Variants in RAB10 observed in about 807,000 individuals in gnomAD.
RAB10 encodes the protein RAB10, member RAS oncogene family.
Under a neutral mutation model 25.7 loss-of-function variants are expected in RAB10, and 5 were observed. That is an observed-to-expected ratio of 0.19 (90% CI 0.10 to 0.41). RAB10 has a LOEUF of 0.41. Among genes scored for constraint, RAB10 ranks in the 10% least tolerant of loss-of-function variants. RAB10 has a pLI of 1.00. For missense variants in RAB10, 103 were observed against 245.8 expected, an observed-to-expected ratio of 0.42 and a Z score of 3.89; for synonymous variants, 89 against 86.4, an observed-to-expected ratio of 1.03 and a Z score of -0.16.
chr2:26,044,367 T>G (rs1665950963), intron 1 of RAB10, among the ~76,000 whole-genome samples: 1 of 152,188 alleles, frequency 6.6e-6, no homozygotes, highest in Non-Finnish European at 1.5e-5. Context: ...GTCTGTACTT[T>G]CAGTTGTTGA....
intron 1 of RAB10, among the ~76,000 whole-genome samples, chr2:26,042,520 C>T (rs1203868963): frequency 6.6e-6 from 1 of 151,978 alleles, no homozygotes; most frequent in Admixed American, 6.6e-5. Flanking sequence ...GTGGTGTACA[C>T]CTGTAGTCCC....
intron 1 of RAB10, among the ~76,000 whole-genome samples, chr2:26,064,674 TG>T (rs1018102442): frequency 6.6e-6 from 1 of 152,142 alleles, no homozygotes; most frequent in Admixed American, 6.5e-5. Context: ...TAAGTAAAAA[TG>T]AACAAATTAT....
chr2:26,057,016 C>G (rs1240618223), intron 1 of RAB10, among the ~76,000 whole-genome samples: 1 of 152,154 alleles, frequency 6.6e-6, no homozygotes, highest in Admixed American at 6.6e-5. Flanking sequence ...AGCATTAGCT[C>G]TATGCCACGT....
At position 26,055,918 on chromosome 2, in the gene RAB10, C is replaced by G. The variant is rs566904385; in HGVS notation, c.127+21183C>G. 1.1e-4 allele frequency among the ~76,000 whole-genome samples: 17 copies of G among 150,562 alleles called. No individual in the cohort carries two copies. The South Asian group carries it at 3.4e-3, about 30-fold the overall frequency. On this transcript the variant is annotated intron_variant, in intron 1 of 5. Coordinates refer to ENST00000264710, the MANE Select transcript of RAB10 (RefSeq NM_016131.5). ...ACTTTTTTTTCTTTTTTTTTTGAGA[C>G]AGGGTCTCACTCTGTCACCCAGGAT...
At chr2:26,079,502 C>G (rs1485223496) in intron 1 of RAB10, among the ~76,000 whole-genome samples, 1 of 152,098 alleles carries the variant, frequency 6.6e-6, no homozygotes, top group Admixed American at 6.5e-5. Context: ...AGTATGAACT[C>G]ATGGTTCAAT....
intron 1 of RAB10, among the ~76,000 whole-genome samples, chr2:26,069,026 T>C (rs770607604): frequency 1.3e-5 from 2 of 152,232 alleles, no homozygotes; most frequent in Non-Finnish European, 1.5e-5. Flanking sequence ...AGCTTTTCTG[T>C]AATCTCTCAC....
intron 3 of RAB10, among the ~76,000 whole-genome samples, chr2:26,119,829 C>T (rs1667765292): frequency 6.6e-6 from 1 of 152,144 alleles, no homozygotes; most frequent in Admixed American, 6.5e-5. Flanking sequence ...GGCTTACTTT[C>T]AAATATATTT....
At chr2:26,072,311 G>A (rs1205132527) in intron 1 of RAB10, among the ~76,000 whole-genome samples, 2 of 152,146 alleles carry the variant, frequency 1.3e-5, no homozygotes, top group African/African-American at 4.8e-5. Context: ...AGCTACTCGG[G>A]AGGCTGAGGC....
At chr2:26,110,063 A>G (rs574263419) in intron 3 of RAB10, among the ~76,000 whole-genome samples, 157 bp downstream of exon 3, 2 of 152,220 alleles carry the variant, frequency 1.3e-5, no homozygotes, top group South Asian at 4.2e-4. Context: ...TTGGCCGGGC[A>G]TGGTGGCTCA....
Position 26,127,802 on chromosome 2 carries a change from G to A in RAB10, c.418-48G>A, listed in dbSNP as rs776865713. On this transcript the variant is annotated intron_variant, in intron 4 of 5. Coordinates refer to ENST00000264710, the MANE Select transcript of RAB10 (RefSeq NM_016131.5). Reference sequence around the variant, plus strand: ...TTTAAGCTGTTAAAGTCAGCAGTTGGCAACCCATGCTTGATAATTTTATGA... The same window carrying A: ...TTTAAGCTGTTAAAGTCAGCAGTTGACAACCCATGCTTGATAATTTTATGA... The A allele has an allele frequency of 4.3e-6, 6 of 1,398,506 alleles. No homozygotes were observed. In the South Asian group the frequency reaches 6.9e-5, roughly 16 times the overall value. 86.6% of individuals were successfully genotyped at this position (1,398,506 alleles called of 1,614,324 possible).
chr2:26,134,291 A>AT (rs1668065549), intron 5 of RAB10, among the ~76,000 whole-genome samples: 1 of 151,944 alleles, frequency 6.6e-6, no homozygotes, highest in Non-Finnish European at 1.5e-5. Context: ...AATATTTTAA[A>AT]TTTTTTATAC....
chr2:26,097,300 G>A (rs918457230), intron 1 of RAB10, among the ~76,000 whole-genome samples: 3 of 152,136 alleles, frequency 2.0e-5, no homozygotes, highest in African/African-American at 7.2e-5. Flanking sequence ...TTGAGACGGA[G>A]TCTCACTCTG....
intron 1 of RAB10, among the ~76,000 whole-genome samples, chr2:26,061,501 G>A (rs764903730): frequency 1.3e-5 from 2 of 151,858 alleles, no homozygotes; most frequent in Non-Finnish European, 2.9e-5. Flanking sequence ...CAGCCGTGTT[G>A]GCTGCCCATG....
intron 2 of RAB10, among the ~76,000 whole-genome samples, chr2:26,107,019 G>C (rs1574555123): frequency 6.6e-6 from 1 of 152,208 alleles, no homozygotes; most frequent in Middle Eastern, 3.4e-3. Flanking sequence ...GCTGAGGCGG[G>C]CAGATCATCT....
chr2:26,066,782 T>TTTTC (rs925171386), intron 1 of RAB10, among the ~76,000 whole-genome samples: 3 of 128,114 alleles, frequency 2.3e-5, no homozygotes, highest in African/African-American at 1.1e-4. Context: ...CATCAATTTT[T>TTTTC]TTTTTTTTTT....
intron 1 of RAB10, among the ~76,000 whole-genome samples, chr2:26,061,059 C>G (rs1021941055): frequency 7.1e-6 from 1 of 140,646 alleles, no homozygotes; most frequent in Non-Finnish European, 1.5e-5. Flanking sequence ...AGCTGATACT[C>G]AGTTGAAAAT....
intron 3 of RAB10, among the ~76,000 whole-genome samples, chr2:26,116,548 GTTTTTTTTTTTTTT>G (rs70950170): frequency 1.6e-5 from 1 of 62,636 alleles, no homozygotes; most frequent in East Asian, 6.3e-4. Context: ...TCTGTCTTGT[GTTTTTTTTTTTTTT>G]TTTTTTTTTT....
intron 1 of RAB10, among the ~76,000 whole-genome samples, chr2:26,082,327 G>A (rs1234990329): frequency 6.6e-6 from 1 of 152,006 alleles, no homozygotes; most frequent in Non-Finnish European, 1.5e-5. Flanking sequence ...AAAATATACT[G>A]GGCACATCTA....
At chr2:26,063,134 CAGGAA>C (rs1405074943) in intron 1 of RAB10, among the ~76,000 whole-genome samples, 1 of 149,302 alleles carries the variant, frequency 6.7e-6, no homozygotes, top group Admixed American at 6.7e-5. Context: ...AAAAAAGAAT[CAGGAA>C]TCTAGTTATT....
Sources: gnomAD v4.1 joint callset for allele counts (sites outside exome capture counted in the v4.1 genomes callset) on GRCh38, gnomAD v4.1.1 for gene constraint, MANE v1.5 for transcripts, NCBI Gene and HGNC (gene_info 2026-07-23, HGNC 2026-07-21) for gene names.